The following PCDHGA5 variants were observed in gnomAD, a reference collection of about 807,000 sequenced individuals.
PCDHGA5 encodes the protein protocadherin gamma-A5.
A neutral mutation model predicts 56.7 loss-of-function variants in PCDHGA5; 36 were observed. That is an observed-to-expected ratio of 0.64 (90% confidence interval 0.49 to 0.84). The LOEUF (loss-of-function observed/expected upper bound fraction) is 0.84. PCDHGA5 is among the 40% of genes least tolerant of loss of function. PCDHGA5 has a pLI of 0.00. For missense variants in PCDHGA5, 1,305 were observed against 1,201.5 expected, an observed-to-expected ratio of 1.09 and a Z score of -1.27; for synonymous variants, 563 against 520.2, an observed-to-expected ratio of 1.08 and a Z score of -1.12.
intron 3 of PCDHGA5, among the ~76,000 whole-genome samples, chr5:141,509,429 T>G (rs2099876771): frequency 6.6e-6 from 1 of 151,964 alleles, no homozygotes; most frequent in Non-Finnish European, 1.5e-5. Context: ...TGAGTCAAAC[T>G]CTTGTTTCCT....
chr5:141,417,862 G>C, intron 1 of PCDHGA5: 1 of 1,550,466 alleles, frequency 6.4e-7, no homozygotes, highest in Non-Finnish European at 8.7e-7. Flanking sequence ...AGCGAACGAT[G>C]GGAGGGAGCT....
Position 141,408,306 on chromosome 5 carries a change from A to C in PCDHGA5, c.2421+41555A>C, listed in dbSNP as rs866086431. On this transcript the variant is annotated intron_variant, in intron 1 of 3. Transcript: ENST00000518069. Reference sequence around the variant, plus strand: ...CCCACCCTGAGTGAGCCGATCCGCTACTCGATTCCGGAGGAGCTGGCCAAG... The same window carrying C: ...CCCACCCTGAGTGAGCCGATCCGCTCCTCGATTCCGGAGGAGCTGGCCAAG... The C allele has an allele frequency of 1.2e-6, 2 of 1,613,586 alleles. No homozygotes were observed. Among genetic ancestry groups the C allele is most frequent in the South Asian group, 1.1e-5 (1 of 91,062 alleles).
intron 1 of PCDHGA5, among the ~76,000 whole-genome samples, chr5:141,458,829 C>T (rs2098954599): frequency 6.6e-6 from 1 of 152,108 alleles, no homozygotes; most frequent in Non-Finnish European, 1.5e-5. Context: ...GCCTCCCAGG[C>T]TCAAGTGATC....
At chr5:141,394,950 G>C in intron 1 of PCDHGA5, 1 of 1,613,848 alleles carries the variant, frequency 6.2e-7, no homozygotes, top group Non-Finnish European at 8.5e-7. Context: ...TGTGCTTCTG[G>C]GGCTCAGGCT....
rs369551410 is a variant in PCDHGA5, at chr5:141,415,294, G to A, written c.2421+48543G>A. ...GGTAGCGGTGGCCGCGGTCTCCTGC[G>A]TCTTCCTGGCCTTCGTCATCGTGCT... On this transcript the variant is annotated intron_variant, in intron 1 of 3. Transcript: ENST00000518069. 10 of 1,614,050 alleles carry A rather than the reference G, an allele frequency of 6.2e-6. No homozygotes were observed. In the African/African-American group the frequency reaches 1.1e-4, roughly 17 times the overall value.
chr5:141,461,040 G>A (rs536064886), intron 1 of PCDHGA5, among the ~76,000 whole-genome samples: 123 of 150,514 alleles, frequency 8.2e-4, no homozygotes, highest in East Asian at 2.5e-3. Flanking sequence ...CTCATTAGTC[G>A]ATGGGGACTT....
chr5:141,478,445 G>C (rs773567457), intron 1 of PCDHGA5: 1 of 1,613,570 alleles, frequency 6.2e-7, no homozygotes, highest in Non-Finnish European at 8.5e-7. Flanking sequence ...GAAGAAACCT[G>C]GTGCAGCCAG....
chr5:141,440,075 T>C (rs2098148518), intron 1 of PCDHGA5: 1 of 152,428 alleles, frequency 6.6e-6, no homozygotes, highest in Non-Finnish European at 1.5e-5. Flanking sequence ...TGAGGAATAA[T>C]ACTTCATTCT....
At chr5:141,469,548 C>A (rs2099204726) in intron 1 of PCDHGA5, among the ~76,000 whole-genome samples, 1 of 152,212 alleles carries the variant, frequency 6.6e-6, no homozygotes, top group East Asian at 1.9e-4. Context: ...GCACTCCAGC[C>A]TGGCGACAGA....
rs1383420491 is a variant in PCDHGA5 at position 141,384,736 on chromosome 5, G to A, written c.2421+17985G>A. On this transcript the variant is annotated intron_variant, in intron 1 of 3. Transcript: ENST00000518069. ...GTCATACCTCCTGCTTAAGGCCAGC[G>A]AGCCAGGACTCTTTGCGGTTGGGCT... 3.7e-6 allele frequency: 6 copies of A among 1,613,938 alleles called. No homozygotes were observed. Among genetic ancestry groups the A allele is most frequent in the African/African-American group, 2.7e-5 (2 of 74,932 alleles).
chr5:141,366,388 T>G lies in PCDHGA5; in HGVS notation c.2058T>G (p.Asp686Glu). ...TCAAGACCCCCATTGACCCTGAGGA[T>G]CTGGACCTCACACTCTATCTTGTGG... is the stretch of plus-strand genomic sequence containing the variant. ...GSIKTPIDPE[D>E]LDLTLYLVVA... The change falls in exon 1 of 4, where the codon GAT becomes GAG. Residue 686 changes from aspartate (D) to glutamate (E), a missense_variant. Physicochemically the swap from Asp to Glu is conservative, Grantham distance 45. Transcript: ENST00000518069. 3.1e-6 allele frequency: 5 copies of G among 1,614,152 alleles called. No individual in the cohort carries two copies. Among genetic ancestry groups the G allele is most frequent in the Non-Finnish European group, 4.2e-6 (5 of 1,180,044 alleles).
chr5:141,370,406 C>T (rs753617533), intron 1 of PCDHGA5: 3 of 1,560,202 alleles, frequency 1.9e-6, no homozygotes, highest in African/African-American at 2.7e-5. Flanking sequence ...TGGGAAATAG[C>T]TCCGGATGGA....
At chr5:141,428,122 G>T in intron 1 of PCDHGA5, 1 of 1,606,172 alleles carries the variant, frequency 6.2e-7, no homozygotes, top group Non-Finnish European at 8.5e-7. Flanking sequence ...ATCGAGCCCG[G>T]GCTTTTCAGC....
chr5:141,415,147 C>A lies in PCDHGA5; in HGVS notation c.2421+48396C>A, dbSNP rs779194230. The A allele has an allele frequency of 9.9e-6, 16 of 1,613,668 alleles. No individual in the cohort carries two copies. Among genetic ancestry groups the A allele is most frequent in the African/African-American group, 1.3e-5 (1 of 74,952 alleles). On this transcript the variant is annotated intron_variant, in intron 1 of 3. Transcript: ENST00000518069. ...CGTCCAGGACCACGGCCAGCCCCCT[C>A]TCTCCGCCACTGTCACGCTCACCGT... is the stretch of plus-strand genomic sequence containing the variant.
intron 1 of PCDHGA5, chr5:141,392,953 A>T: frequency 6.2e-7 from 1 of 1,613,924 alleles, no homozygotes; most frequent in Non-Finnish European, 8.5e-7. Context: ...TTCGTGGGTA[A>T]TATCTCCAAG....
At chr5:141,488,859 G>A (rs1033425540) in intron 1 of PCDHGA5, among the ~76,000 whole-genome samples, 12 of 152,204 alleles carry the variant, frequency 7.9e-5, no homozygotes, top group African/African-American at 2.9e-4. Context: ...GCAGCACGAA[G>A]TGAGTGGGGA....
chr5:141,383,833 A>T (rs1264167021), intron 1 of PCDHGA5: 2 of 1,613,926 alleles, frequency 1.2e-6, no homozygotes, highest in Non-Finnish European at 1.7e-6. Flanking sequence ...TTATGAAGAA[A>T]CTGCCTTCTA....
At chr5:141,399,192 C>T (rs1561668217) in intron 1 of PCDHGA5, 1 of 1,613,846 alleles carries the variant, frequency 6.2e-7, no homozygotes, top group Non-Finnish European at 8.5e-7. Flanking sequence ...TTCTGGAAAA[C>T]GCGGTGCCTG....
At chr5:141,414,134 A>T in intron 1 of PCDHGA5, 1 of 1,595,028 alleles carries the variant, frequency 6.3e-7, no homozygotes, top group South Asian at 1.1e-5. Flanking sequence ...GGTTTCTATG[A>T]AATAGAAATA....
Sources: allele counts gnomAD v4.1 joint callset (sites outside exome capture counted in the v4.1 genomes callset), GRCh38; gene constraint gnomAD v4.1.1; transcripts MANE v1.5; gene names NCBI Gene and HGNC (gene_info 2026-07-23, HGNC 2026-07-21).